Variants in GRM8 observed in about 807,000 individuals in gnomAD.
GRM8 encodes the protein metabotropic glutamate receptor 8.
In GRM8, 47 loss-of-function variants were observed where a neutral mutation model predicts 87.2. That is an observed-to-expected ratio of 0.54 (90% CI 0.43 to 0.69). The LOEUF (loss-of-function observed/expected upper bound fraction) is 0.69, where lower values mean the gene tolerates loss of function less well. GRM8 is among the 30% of genes least tolerant of loss of function. The pLI, the probability that GRM8 is intolerant of heterozygous loss-of-function variation, is 0.00. For synonymous variants in GRM8, 396 were observed against 404.5 expected, an observed-to-expected ratio of 0.98 and a Z score of 0.25; for missense variants, 1,019 against 1,139.2, an observed-to-expected ratio of 0.89 and a Z score of 1.52.
At chr7:126,582,441 A>C (rs1795699627) in intron 8 of GRM8, among the ~76,000 whole-genome samples, 1 of 152,218 alleles carries the variant, frequency 6.6e-6, no homozygotes, top group Non-Finnish European at 1.5e-5. Context: ...ATAACATAAA[A>C]GGGCAAGGTG....
intron 7 of GRM8, among the ~76,000 whole-genome samples, chr7:126,743,708 G>A (rs576394956): frequency 1.3e-5 from 2 of 152,160 alleles, no homozygotes; most frequent in South Asian, 4.1e-4. Context: ...TTGTAAGCCA[G>A]TCTGTTTCTT....
Position 127,176,334 on chromosome 7 carries a change from C to T in GRM8, c.510+66361G>A, listed in dbSNP as rs17867783. On this transcript the variant is annotated intron_variant, in intron 2 of 10. Coordinates refer to ENST00000339582, the MANE Select transcript of GRM8 (RefSeq NM_000845.3). Reference sequence around the variant, plus strand: ...CATGGTAGATATTTATACAACTATACCAATAATCACTTTAAATGTTAATTG... The same window carrying T: ...CATGGTAGATATTTATACAACTATATCAATAATCACTTTAAATGTTAATTG... Among the ~76,000 whole-genome samples the T allele has an allele frequency of 6.2e-3, 950 of 152,110 alleles. 4 individuals are homozygous for T. Among genetic ancestry groups the T allele is most frequent in the Non-Finnish European group, 0.011 (726 of 67,982 alleles).
intron 8 of GRM8, among the ~76,000 whole-genome samples, chr7:126,563,351 C>T (rs1442169447): frequency 6.6e-6 from 1 of 151,596 alleles, no homozygotes; most frequent in Non-Finnish European, 1.5e-5. Context: ...GTCAACAGTG[C>T]AAATACTAAG....
chr7:126,484,875 G>T (rs1016475222), intron 9 of GRM8, among the ~76,000 whole-genome samples: 1 of 117,268 alleles, frequency 8.5e-6, no homozygotes, highest in Non-Finnish European at 1.8e-5. Flanking sequence ...ATCGTTAAAC[G>T]TTTTTTGTTT....
intron 6 of GRM8, among the ~76,000 whole-genome samples, chr7:126,854,304 C>T (rs1797482671): frequency 1.3e-5 from 2 of 152,196 alleles, no homozygotes; most frequent in African/African-American, 4.8e-5. Flanking sequence ...TCTTTTGCCA[C>T]TGCCTCTCTT....
intron 3 of GRM8, among the ~76,000 whole-genome samples, chr7:126,929,274 A>C (rs1409254884): frequency 6.6e-6 from 1 of 152,208 alleles, no homozygotes; most frequent in Non-Finnish European, 1.5e-5. Context: ...TGCCTTTTGT[A>C]ATCTGTCTAG....
intron 7 of GRM8, among the ~76,000 whole-genome samples, chr7:126,668,664 T>C (rs1806058818): frequency 6.6e-6 from 1 of 152,168 alleles, no homozygotes; most frequent in South Asian, 2.1e-4. Context: ...AAATAAGCTT[T>C]TCTCTTGGTG....
chr7:126,593,995 C>T (rs760474823), intron 8 of GRM8, among the ~76,000 whole-genome samples: 25 of 151,922 alleles, frequency 1.6e-4, no homozygotes, highest in African/African-American at 2.9e-4. Context: ...TATGAAAAAA[C>T]GCCCAACATC....
chr7:126,986,952 G>A (rs1586679363), intron 3 of GRM8, among the ~76,000 whole-genome samples: 1 of 152,062 alleles, frequency 6.6e-6, no homozygotes. Flanking sequence ...AACCTTATGA[G>A]TTAGGTAATA....
chr7:126,816,398 T>G (rs1238392678), intron 6 of GRM8, among the ~76,000 whole-genome samples: 1 of 152,104 alleles, frequency 6.6e-6, no homozygotes, highest in Admixed American at 6.6e-5. Context: ...TAGTTTTAAT[T>G]TATTTTCACA....
intron 3 of GRM8, among the ~76,000 whole-genome samples, chr7:127,083,209 GT>G (rs1823062673): frequency 6.6e-6 from 1 of 152,064 alleles, no homozygotes; most frequent in Admixed American, 6.6e-5. Flanking sequence ...ATTTCTTTTT[GT>G]TTTCCTCACT....
At chr7:126,970,284 C>T (rs1810284123) in intron 3 of GRM8, among the ~76,000 whole-genome samples, 1 of 152,142 alleles carries the variant, frequency 6.6e-6, no homozygotes, top group African/African-American at 2.4e-5. Flanking sequence ...CAACATCTTC[C>T]AATAGAAGGC....
chr7:127,151,281 CT>C (rs1828848751), intron 2 of GRM8, among the ~76,000 whole-genome samples: 1 of 152,072 alleles, frequency 6.6e-6, no homozygotes, highest in Non-Finnish European at 1.5e-5. Context: ...ACATGACACA[CT>C]TCAATAAACT....
chr7:126,827,361 C>T (rs191294350), intron 6 of GRM8, among the ~76,000 whole-genome samples: 1 of 152,280 alleles, frequency 6.6e-6, no homozygotes, highest in African/African-American at 2.4e-5. Flanking sequence ...GAATGTTCTT[C>T]CATTTGTCTG....
chr7:127,114,358 A>C (rs1447087590), intron 2 of GRM8, among the ~76,000 whole-genome samples: 1 of 152,112 alleles, frequency 6.6e-6, no homozygotes, highest in Non-Finnish European at 1.5e-5. Context: ...ACTATATTGC[A>C]CCATATTTTT....
chr7:126,579,928 A>T (rs1795458139), intron 8 of GRM8, among the ~76,000 whole-genome samples: 1 of 152,176 alleles, frequency 6.6e-6, no homozygotes, highest in African/African-American at 2.4e-5. Context: ...AGATCAGATA[A>T]ATATTAAGGA....
At chr7:126,567,007 G>A (rs368196932) in intron 8 of GRM8, among the ~76,000 whole-genome samples, 6 of 152,052 alleles carry the variant, frequency 3.9e-5, no homozygotes, top group Non-Finnish European at 5.9e-5. Flanking sequence ...TTAGAATGGT[G>A]GTTACCACTT....
At chr7:126,634,768 C>T (rs2299482) in intron 7 of GRM8, among the ~76,000 whole-genome samples, 47,555 of 151,916 alleles carry the variant, frequency 0.31, 8,190 homozygotes, top group East Asian at 0.43. Context: ...TATTTGCAGA[C>T]GTTATGAGTA....
At chr7:126,509,950 G>A (rs1015617532) in intron 9 of GRM8, among the ~76,000 whole-genome samples, 5 of 151,932 alleles carry the variant, frequency 3.3e-5, no homozygotes, top group Admixed American at 6.6e-5. Flanking sequence ...TTGTCATTCC[G>A]GCAATACCAG....
Sources: allele counts gnomAD v4.1 joint callset (sites outside exome capture counted in the v4.1 genomes callset), GRCh38; gene constraint gnomAD v4.1.1; transcripts MANE v1.5; gene names NCBI Gene and HGNC (gene_info 2026-07-23, HGNC 2026-07-21).